COQ5: variants seen among roughly 807,000 people sequenced by gnomAD.
The protein encoded by COQ5 is 2-methoxy-6-polyprenyl-1,4-benzoquinol methylase, mitochondrial.
In COQ5, 27 loss-of-function variants were observed where a neutral mutation model predicts 40.5. The ratio of observed to expected loss-of-function variants is 0.67; its 90% CI spans 0.49 to 0.92. The LOEUF (loss-of-function observed/expected upper bound fraction) is 0.92. Ranked by LOEUF, COQ5 falls within the 40% of genes least tolerant of loss-of-function variation. COQ5 has a pLI of 0.00. For missense variants in COQ5, 409 were observed against 406.4 expected, an observed-to-expected ratio of 1.01 and a Z score of -0.06; for synonymous variants, 141 against 150.0, an observed-to-expected ratio of 0.94 and a Z score of 0.44.
In COQ5 at chr12:120,510,023, A is replaced by G; in HGVS notation, c.675T>C (p.Ile225=). 6.2e-7 allele frequency: 1 copy of G among 1,612,632 alleles called. No individual in the cohort carries two copies. The highest frequency in any genetic ancestry group is 8.5e-7 in the Non-Finnish European group (1 of 1,178,614). ...IAFGIRNVTH[I]DQALQEAHRV... ...AGGATGCAGCCATTCATACCTGATC[A>G]ATGTGTGTGACATTCCGGATCCCAA... is the stretch of plus-strand genomic sequence containing the variant. Residue 225 remains isoleucine (I), a synonymous_variant, in exon 4 of 7, where the codon ATT becomes ATC. Transcript: ENST00000288532.
intron 3 of COQ5, among the ~76,000 whole-genome samples, chr12:120,513,358 CG>C (rs747415888): frequency 1.3e-5 from 2 of 150,932 alleles, no homozygotes; most frequent in East Asian, 4.2e-4. Flanking sequence ...AAAAATTAGC[CG>C]GGCGTGGCGG....
chr12:120,525,695 C>CG (rs1869901690), intron 1 of COQ5, among the ~76,000 whole-genome samples: 1 of 151,884 alleles, frequency 6.6e-6, no homozygotes, highest in South Asian at 2.1e-4. Flanking sequence ...GAGGCTGAGG[C>CG]GGGGGGATCA....
chr12:120,526,580 G>A (rs1205255020), intron 1 of COQ5: 6 of 384,146 alleles, frequency 1.6e-5, no homozygotes, highest in Admixed American at 9.8e-5. Flanking sequence ...AAAGCACAAA[G>A]GATAAAATAT....
Position 120,503,953 on chromosome 12 carries a change from C to T in COQ5, c.882+17G>A, listed in dbSNP as rs1353845060. 1.2e-6 allele frequency: 2 copies of T among 1,600,330 alleles called. No individual in the cohort carries two copies. Among genetic ancestry groups the T allele is most frequent in the Admixed American group, 1.7e-5 (1 of 59,960 alleles). On this transcript the variant is annotated intron_variant, in intron 6 of 6. Transcript: ENST00000288532. Reference sequence around the variant, plus strand: ...ATCACTGTAGGGCCTTTGTTTAAAGCTATAGAAGTTTCATACCTGAGACGG... The same window carrying T: ...ATCACTGTAGGGCCTTTGTTTAAAGTTATAGAAGTTTCATACCTGAGACGG...
rs1870005253 is a variant in COQ5 at position 120,527,495 on chromosome 12, CATTG to C, written c.202+1441_202+1444del. 3 of 151,966 alleles carry C rather than the reference CATTG, an allele frequency of 2.0e-5. No homozygotes were observed. In the South Asian group the frequency reaches 6.2e-4, roughly 31 times the overall value. 9.4% of individuals were successfully genotyped at this position (151,966 alleles called of 1,614,324 possible). A position where few individuals can be genotyped will look rare whatever the true frequency, so the allele number is the denominator to read the frequency against. On this transcript the variant is annotated intron_variant, in intron 1 of 6. Transcript: ENST00000288532. ...GTCATAAAACAATTCTAATTTTTCC[CATTG>C]ATTAAGGTCATTGTGTATGACTTCA...
chr12:120,521,273 G>C (rs1311249874), intron 2 of COQ5, among the ~76,000 whole-genome samples: 1 of 151,886 alleles, frequency 6.6e-6, no homozygotes, highest in Non-Finnish European at 1.5e-5. Flanking sequence ...CACCATGTTG[G>C]CCAGTCTGGT....
intron 5 of COQ5, 30 bp downstream of exon 5, chr12:120,504,865 T>C (rs1025192358): frequency 1.3e-6 from 2 of 1,575,430 alleles, no homozygotes; most frequent in Non-Finnish European, 1.7e-6. Flanking sequence ...GGCTATACAA[T>C]GAAGATAAAG....
chr12:120,507,654 G>A lies in COQ5; in HGVS notation c.681+2363C>T, dbSNP rs1334909213. On this transcript the variant is annotated intron_variant, in intron 4 of 6. Coordinates refer to ENST00000288532, the MANE Select transcript of COQ5 (RefSeq NM_032314.4). The stretch of plus-strand genomic sequence containing the variant: ...TGTAATCCCAGCACTTTGGGAGGCC[G>A]AGGTGGGTGGATCACCTGAGGTTGG... Among the ~76,000 whole-genome samples, 4 of 149,628 alleles carry A rather than the reference G, an allele frequency of 2.7e-5. No individual in the cohort carries two copies. The East Asian group carries it at 6.2e-4, about 23-fold the overall frequency.
chr12:120,528,490 T>C (rs1481646565), intron 1 of COQ5, among the ~76,000 whole-genome samples: 1 of 152,126 alleles, frequency 6.6e-6, no homozygotes, highest in Non-Finnish European at 1.5e-5. Flanking sequence ...GTTGATGGGA[T>C]TTAGTCATCA....
intron 4 of COQ5, among the ~76,000 whole-genome samples, chr12:120,508,240 C>T (rs1158061254): frequency 1.3e-5 from 2 of 151,874 alleles, no homozygotes; most frequent in Non-Finnish European, 2.9e-5. Flanking sequence ...GTGATCTGCC[C>T]ACCTCGGCCT....
chr12:120,506,836 A>T (rs564667597), intron 4 of COQ5, among the ~76,000 whole-genome samples: 4 of 151,718 alleles, frequency 2.6e-5, no homozygotes, highest in South Asian at 2.1e-4. Flanking sequence ...ATTTTTATTT[A>T]TTTTTTTATT....
At chr12:120,505,437 G>A (rs1868837551) in intron 4 of COQ5, among the ~76,000 whole-genome samples, 1 of 151,822 alleles carries the variant, frequency 6.6e-6, no homozygotes, top group Admixed American at 6.6e-5. Flanking sequence ...GCCCAGACTG[G>A]AGTGCAGTGG....
At position 120,529,103 on chromosome 12, in the gene COQ5, G is replaced by C; in HGVS notation, c.39C>G (p.Cys13Trp). Residue 13 changes from cysteine (C) to tryptophan (W), a missense_variant, in exon 1 of 7, where the codon TGC becomes TGG. Coordinates refer to ENST00000288532, the MANE Select transcript of COQ5 (RefSeq NM_032314.4). ...APGSCALWSY[C>W]GRGWSRAMRG... is the part of the protein sequence containing the mutation. ...GCATCGCCCGCGACCACCCACGGCC[G>C]CAATAGCTCCATAGAGCACAGCTCC... The C allele has an allele frequency of 6.2e-7, 1 of 1,614,072 alleles. No homozygotes were observed. Among genetic ancestry groups the C allele is most frequent in the East Asian group, 2.2e-5 (1 of 44,862 alleles).
chr12:120,524,552 G>A (rs761365255), intron 1 of COQ5, among the ~76,000 whole-genome samples: 6 of 152,096 alleles, frequency 3.9e-5, no homozygotes, highest in South Asian at 2.1e-4. Flanking sequence ...GAGCCACCAC[G>A]CCCGGCCTTA....
chr12:120,528,843 C>T (rs1305521899), intron 1 of COQ5, 97 bp downstream of exon 1: 1 of 1,130,300 alleles, frequency 8.8e-7, no homozygotes, highest in Non-Finnish European at 1.4e-6. Context: ...GACAACAACA[C>T]TGGAACTAAT....
At chr12:120,509,970 G>T in intron 4 of COQ5, 47 bp downstream of exon 4, 1 of 1,411,414 alleles carries the variant, frequency 7.1e-7, no homozygotes, top group Non-Finnish European at 1.0e-6. Context: ...CTACAACAGA[G>T]GTAATTTCCT....
chr12:120,516,537 T>A, intron 3 of COQ5, 30 bp downstream of exon 3: 1 of 1,487,454 alleles, frequency 6.7e-7, no homozygotes, highest in Non-Finnish European at 9.4e-7. Flanking sequence ...TACAAATACT[T>A]CCCCTGTGTC....
intron 1 of COQ5, 84 bp downstream of exon 1, chr12:120,528,856 G>A (rs55848094): frequency 0.31 from 372,327 of 1,216,478 alleles, 60,742 homozygotes; most frequent in East Asian, 0.51. Context: ...GAACTAATTG[G>A]ATGTTAAATC....
intron 3 of COQ5, among the ~76,000 whole-genome samples, chr12:120,511,780 G>A (rs1048117872): frequency 6.6e-6 from 1 of 152,106 alleles, no homozygotes; most frequent in Non-Finnish European, 1.5e-5. Flanking sequence ...GTCAGTAAAC[G>A]AATGAATCCA....
Sources: gnomAD v4.1 joint callset for allele counts (sites outside exome capture counted in the v4.1 genomes callset) on GRCh38, gnomAD v4.1.1 for gene constraint, MANE v1.5 for transcripts, NCBI Gene and HGNC (gene_info 2026-07-23, HGNC 2026-07-21) for gene names.